The following AHRR variants were observed in gnomAD, a reference collection of about 807,000 sequenced individuals.
AHRR encodes the protein ahR repressor.
AHRR carries 28 observed loss-of-function variants against 44.0 expected under a neutral mutation model. The observed-to-expected ratio is 0.64, with a 90% CI of 0.47 to 0.87. The LOEUF is 0.87. Ranked by LOEUF, AHRR falls within the 40% of genes least tolerant of loss-of-function variation. AHRR has a pLI of 0.00. For synonymous variants in AHRR, 434 were observed against 407.0 expected (o/e 1.07, Z -0.80); for missense variants, 990 against 953.9 (o/e 1.04, Z -0.50).
At chr5:423,411 C>T (rs1170748730) in intron 6 of AHRR, among the ~76,000 whole-genome samples, 1 of 152,162 alleles carries the variant, frequency 6.6e-6, no homozygotes, top group African/African-American at 2.4e-5. Context: ...ACAGTTGCAT[C>T]TGGGCTCTGA....
chr5:421,862 A>T (rs758529465), intron 5 of AHRR, among the ~76,000 whole-genome samples: 41 of 152,156 alleles, frequency 2.7e-4, no homozygotes, highest in Non-Finnish European at 4.9e-4. Flanking sequence ...ATTCCTCTGA[A>T]GTCTTGACTC....
chr5:413,147 G>A (rs1735539112), intron 4 of AHRR, among the ~76,000 whole-genome samples, 197 bp from the exon 5 acceptor site: 1 of 152,112 alleles, frequency 6.6e-6, no homozygotes, highest in Non-Finnish European at 1.5e-5. Flanking sequence ...GTAAACCATG[G>A]CTGCCTTCTC....
At position 387,047 on chromosome 5, in the gene AHRR, A is replaced by G. The variant is rs994566625; in HGVS notation, c.351+10331A>G. ...GGAGCCTTGTTTCCATATCCGTTTG[A>G]TTGTCAAAGCCTCTGCTGCACGGGG... On this transcript the variant is annotated intron_variant, in intron 4 of 10. Coordinates refer to ENST00000684583, the MANE Select transcript of AHRR (RefSeq NM_001377236.1). This position sits in a 1 kb window ranked among gnomAD's most constrained non-coding sequence, Gnocchi z 5.1. Among the ~76,000 whole-genome samples the G allele has an allele frequency of 1.3e-5, 2 of 152,110 alleles. No individual in the cohort carries two copies. The highest frequency in any genetic ancestry group is 2.9e-5 in the Non-Finnish European group (2 of 68,026).
intron 2 of AHRR, among the ~76,000 whole-genome samples, chr5:352,155 T>C (rs1742879145): frequency 6.6e-6 from 1 of 152,278 alleles, no homozygotes. Context: ...TAGAACGAGA[T>C]GGCAGTTGAA....
chr5:402,410 T>C (rs544859375), intron 4 of AHRR, among the ~76,000 whole-genome samples: 40 of 113,418 alleles, frequency 3.5e-4, no homozygotes, highest in African/African-American at 1.4e-3. Context: ...AGGCAGTCGT[T>C]GTTGAGGGTG....
rs187647617 is a variant in AHRR, at chr5:395,648, G to C, written c.352-17696G>C. Among the ~76,000 whole-genome samples the C allele has an allele frequency of 1.6e-4, 24 of 152,360 alleles. No individual in the cohort carries two copies. In the East Asian group the frequency reaches 2.1e-3, roughly 13 times the overall value. On this transcript the variant is annotated intron_variant, in intron 4 of 10. Coordinates refer to ENST00000684583, the MANE Select transcript of AHRR (RefSeq NM_001377236.1). The surrounding 1 kb of genome is among the most constrained non-coding windows in gnomAD (Gnocchi z 5.3). ...GCTCGGCAGACGGTCATCGGGCCGC[G>C]CTGCTGCTCTGGTGTGGTTTCTGGA...
intron 5 of AHRR, chr5:421,049 A>G (rs1736084623): frequency 1.9e-6 from 1 of 520,574 alleles, no homozygotes; most frequent in Non-Finnish European, 3.4e-6. Flanking sequence ...AACGTGGCCT[A>G]TCCACCGCAG....
intron 3 of AHRR, among the ~76,000 whole-genome samples, chr5:362,784 CAAG>C (rs1183038269): frequency 2.0e-5 from 3 of 152,208 alleles, no homozygotes; most frequent in African/African-American, 7.2e-5. Context: ...TGAATCTGGC[CAAG>C]AAGAGCAGGG....
At chr5:410,334 C>T (rs1735422513) in intron 4 of AHRR, among the ~76,000 whole-genome samples, 1 of 152,094 alleles carries the variant, frequency 6.6e-6, no homozygotes, top group South Asian at 2.1e-4. Context: ...GTAGCTGGGA[C>T]TACAGGCATG....
intron 8 of AHRR, chr5:432,159 A>G: frequency 2.8e-6 from 1 of 354,532 alleles, no homozygotes; most frequent in South Asian, 2.7e-5. Flanking sequence ...CTGGCCTTCC[A>G]GGAAAAAAAT....
Position 376,514 on chromosome 5 carries a change from G to C in AHRR, c.245-96G>C. On this transcript the variant is annotated intron_variant, in intron 3 of 10. Transcript: ENST00000684583. Reference sequence around the variant, plus strand: ...AGGCCAGATGTCAGGTGAGAACCGTGGGGTGAACGCGGGGAAACACAGGAA... The same window carrying C: ...AGGCCAGATGTCAGGTGAGAACCGTCGGGTGAACGCGGGGAAACACAGGAA... 3 of 1,317,468 alleles carry C rather than the reference G, an allele frequency of 2.3e-6. No individual in the cohort carries two copies. In the South Asian group the frequency reaches 4.5e-5, roughly 20 times the overall value. 81.6% of individuals were successfully genotyped at this position (1,317,468 alleles called of 1,614,324 possible).
rs908077521 is a variant in AHRR, at chr5:420,103, G to A, written c.442-2626G>A. ...TAAGCTTCCCTCTGACGGGCCCTGAGGCTGCCGCCATAGAGCGGCAGAACC... is the reference window on the plus strand; with the variant it reads ...TAAGCTTCCCTCTGACGGGCCCTGAAGCTGCCGCCATAGAGCGGCAGAACC... On this transcript the variant is annotated intron_variant, in intron 5 of 10. Coordinates refer to ENST00000684583, the MANE Select transcript of AHRR (RefSeq NM_001377236.1). Among the ~76,000 whole-genome samples, 26 of 152,242 alleles carry A rather than the reference G, an allele frequency of 1.7e-4. 1 individual carries two copies. The highest frequency in any genetic ancestry group is 7.3e-5 in the Non-Finnish European group (5 of 68,050).
intron 4 of AHRR, among the ~76,000 whole-genome samples, chr5:402,434 A>T (rs1229482538): frequency 4.6e-3 from 459 of 99,124 alleles, no homozygotes; most frequent in Non-Finnish European, 6.3e-3. Flanking sequence ...AGAGAAGGGG[A>T]CCCTCGTGCA....
intron 2 of AHRR, among the ~76,000 whole-genome samples, chr5:351,044 C>T (rs762116220): frequency 6.6e-6 from 1 of 151,650 alleles, no homozygotes; most frequent in Non-Finnish European, 1.5e-5. Context: ...AAATCAAAAC[C>T]GTAACAAAAT....
chr5:434,792 G>T lies in AHRR; in HGVS notation c.2052G>T (p.Thr684=), dbSNP rs763214731. 2 of 1,553,806 alleles carry T rather than the reference G, an allele frequency of 1.3e-6. No homozygotes were observed. Among genetic ancestry groups the T allele is most frequent in the Non-Finnish European group, 1.7e-6 (2 of 1,148,610 alleles). Reference sequence around the variant, plus strand: ...TGTTGCCCAAAAGTGCCTTGGCCACGCTGGTCCCGCCCCAAGCTTCGGGGT... The same window carrying T: ...TGTTGCCCAAAAGTGCCTTGGCCACTCTGGTCCCGCCCCAAGCTTCGGGGT... ...PGMLPKSALA[T]LVPPQASGCT... is the part of the protein sequence containing the mutation. Residue 684 remains threonine (T), a synonymous_variant, in exon 11 of 11, where the codon ACG becomes ACT. Coordinates refer to ENST00000684583, the MANE Select transcript of AHRR (RefSeq NM_001377236.1).
intron 1 of AHRR, among the ~76,000 whole-genome samples, chr5:327,769 CTATTTTATTT>C (rs992648580): frequency 2.2e-4 from 34 of 152,014 alleles, no homozygotes; most frequent in Non-Finnish European, 2.6e-4. Context: ...AATAGCAGTT[CTATTTTATTT>C]TATTTTATTT....
At chr5:372,221 C>T (rs1352271150) in intron 3 of AHRR, among the ~76,000 whole-genome samples, 2 of 152,208 alleles carry the variant, frequency 1.3e-5, no homozygotes, top group Admixed American at 6.5e-5. Context: ...GCTGATCCAT[C>T]CCTTGGCTTC....
rs138191114 is a variant in AHRR at position 338,113 on chromosome 5, G to T, written c.-10-5780G>T. ...TCTCCCCTCCCGGGTCTGTGTAGCC[G>T]CCATATACTTGATGTCCACGTTTGT... On this transcript the variant is annotated intron_variant, in intron 1 of 10. Coordinates refer to ENST00000684583, the MANE Select transcript of AHRR (RefSeq NM_001377236.1). This position sits in a 1 kb window ranked among gnomAD's most constrained non-coding sequence, Gnocchi z 4.1. 6.6e-6 allele frequency among the ~76,000 whole-genome samples: 1 copy of T among 152,120 alleles called. No homozygotes were observed. The highest frequency in any genetic ancestry group is 1.5e-5 in the Non-Finnish European group (1 of 68,026).
chr5:386,633 C>G (rs756403316), intron 4 of AHRR, among the ~76,000 whole-genome samples: 1 of 152,248 alleles, frequency 6.6e-6, no homozygotes, highest in Non-Finnish European at 1.5e-5. Flanking sequence ...AGCCATGGGG[C>G]TCCTCGCTTT....
Sources: allele counts gnomAD v4.1 joint callset (sites outside exome capture counted in the v4.1 genomes callset), GRCh38; gene constraint gnomAD v4.1.1; non-coding constraint Gnocchi (gnomAD v3.1); transcripts MANE v1.5; gene names NCBI Gene and HGNC (gene_info 2026-07-23, HGNC 2026-07-21).